Variants in PPP1R21 observed in about 807,000 individuals in gnomAD.
PPP1R21 encodes KLRAQ motif containing 1.
PPP1R21 carries 85 observed loss-of-function variants against 112.8 expected under a neutral mutation model. That is an observed-to-expected ratio of 0.75 (90% CI 0.63 to 0.90). The LOEUF (loss-of-function observed/expected upper bound fraction) is 0.90. PPP1R21 is among the 40% of genes least tolerant of loss of function. The pLI is 0.00. For synonymous variants in PPP1R21, 381 were observed against 322.3 expected (o/e 1.18, Z -1.95); for missense variants, 1,199 against 901.5 (o/e 1.33, Z -4.23).
chr2:48,503,714 G>A (rs574385123), intron 17 of PPP1R21, among the ~76,000 whole-genome samples: 16 of 152,154 alleles, frequency 1.1e-4, no homozygotes, highest in Admixed American at 8.5e-4. Flanking sequence ...TTGGGAGGCC[G>A]AGGCGGGTGG....
intron 9 of PPP1R21, among the ~76,000 whole-genome samples, chr2:48,469,504 T>G (rs796152067): frequency 0.33 from 13,514 of 40,620 alleles, 2,886 homozygotes; most frequent in East Asian, 0.5. Context: ...TATATATATA[T>G]AGAGCATATA....
At chr2:48,470,743 A>C (rs1273432004) in intron 9 of PPP1R21, among the ~76,000 whole-genome samples, 1 of 152,090 alleles carries the variant, frequency 6.6e-6, no homozygotes, top group East Asian at 1.9e-4. Flanking sequence ...GCAGGTGTTC[A>C]GGGAGGCTGA....
At position 48,498,650 on chromosome 2, in the gene PPP1R21, A is replaced by G. The variant is rs550983644; in HGVS notation, c.1850A>G (p.Gln617Arg). 6.2e-7 allele frequency: 1 copy of G among 1,614,260 alleles called. No individual in the cohort carries two copies. The highest frequency in any genetic ancestry group is 1.1e-5 in the South Asian group (1 of 91,092). ...AGTGCCCAGCTGGTTGGGCTGGCCCAGGAAAATGCTGCTGTGTCAAATACT... is the reference window on the plus strand; with the variant it reads ...AGTGCCCAGCTGGTTGGGCTGGCCCGGGAAAATGCTGCTGTGTCAAATACT... ...TGSAQLVGLA[Q>R]ENAAVSNTAG... The change falls in exon 17 of 22, where the codon CAG (glutamine) becomes CGG (arginine). Residue 617 changes from glutamine (Q) to arginine (R), a missense_variant. Transcript: ENST00000294952.
chr2:48,449,216 TCTA>T lies in PPP1R21; in HGVS notation c.58-1791_58-1789del, dbSNP rs373667239. The stretch of plus-strand genomic sequence containing the variant: ...ATATCTGTTGTCATTTTGAATCTGT[TCTA>T]ATAATAAGAGCTCTGTTTCCATTTG... On this transcript the variant is annotated intron_variant, in intron 1 of 21. Coordinates refer to ENST00000294952, the MANE Select transcript of PPP1R21 (RefSeq NM_001135629.3). Among the ~76,000 whole-genome samples the T allele has an allele frequency of 3.0e-4, 45 of 152,320 alleles. 2 individuals are homozygous for T. The South Asian group carries it at 9.3e-3, about 32-fold the overall frequency.
intron 17 of PPP1R21, chr2:48,501,777 C>G (rs1399754499): frequency 6.6e-6 from 1 of 151,786 alleles, no homozygotes; most frequent in Non-Finnish European, 1.5e-5. Flanking sequence ...CCACTGTACT[C>G]CAGCCTGGAC....
chr2:48,510,723 T>C (rs1433767532), intron 20 of PPP1R21, among the ~76,000 whole-genome samples: 1 of 152,162 alleles, frequency 6.6e-6, no homozygotes, highest in East Asian at 1.9e-4. Context: ...TCAGGGACGG[T>C]GCTGCCGGGA....
chr2:48,500,502 A>G (rs1670061452), intron 17 of PPP1R21, among the ~76,000 whole-genome samples: 1 of 152,212 alleles, frequency 6.6e-6, no homozygotes, highest in South Asian at 2.1e-4. Context: ...AAACCCAAGA[A>G]TTAAAATTTT....
chr2:48,500,698 C>G (rs936358699), intron 17 of PPP1R21, among the ~76,000 whole-genome samples: 2 of 152,062 alleles, frequency 1.3e-5, no homozygotes, highest in Non-Finnish European at 2.9e-5. Flanking sequence ...ATTGCCTGAG[C>G]TCAGGAGTTC....
intron 1 of PPP1R21, among the ~76,000 whole-genome samples, chr2:48,449,446 A>C (rs2103750522): frequency 6.6e-6 from 1 of 152,310 alleles, no homozygotes; most frequent in Admixed American, 6.5e-5. Flanking sequence ...TAAATGGCAG[A>C]GCAAATATTT....
rs764247187 is a variant in PPP1R21 at position 48,491,005 on chromosome 2, A to C, written c.1447-13A>C. 3.7e-6 allele frequency: 6 copies of C among 1,611,502 alleles called. No homozygotes were observed. In the South Asian group the frequency reaches 6.6e-5, roughly 18 times the overall value. On this transcript the variant is annotated splice_polypyrimidine_tract_variant and intron_variant, in intron 14 of 21. Coordinates refer to ENST00000294952, the MANE Select transcript of PPP1R21 (RefSeq NM_001135629.3). ...GGAAAACAAAATCTATTTCCTTGTC[A>C]TACTTTGTTTAGATTGCATCCTTCT...
intron 16 of PPP1R21, among the ~76,000 whole-genome samples, chr2:48,496,651 A>G (rs563507797): frequency 2.2e-4 from 34 of 152,138 alleles, no homozygotes; most frequent in Non-Finnish European, 3.4e-4. Context: ...TATTTTTAGT[A>G]TAGACAGGGT....
chr2:48,462,040 C>T (rs1283208210), intron 7 of PPP1R21, among the ~76,000 whole-genome samples: 3 of 152,192 alleles, frequency 2.0e-5, no homozygotes, highest in Non-Finnish European at 4.4e-5. Context: ...CTTCTAGCTT[C>T]TACATTAATG....
chr2:48,475,766 G>T (rs1305757654), intron 12 of PPP1R21, among the ~76,000 whole-genome samples: 1 of 152,040 alleles, frequency 6.6e-6, no homozygotes, highest in East Asian at 1.9e-4. Context: ...AGAATCGCGT[G>T]AGCCTGGGAG....
chr2:48,506,062 T>TTTTTTA (rs1670359202), intron 18 of PPP1R21, among the ~76,000 whole-genome samples: 2 of 152,242 alleles, frequency 1.3e-5, no homozygotes, highest in Non-Finnish European at 1.5e-5. Flanking sequence ...AGGTTTGCAC[T>TTTTTTA]TTTGAATTTT....
chr2:48,507,074 A>T (rs1670415735), intron 18 of PPP1R21, 195 bp from the exon 19 acceptor site: 2 of 677,472 alleles, frequency 3.0e-6, no homozygotes, highest in Non-Finnish European at 4.3e-6. Flanking sequence ...AAATAGAAAG[A>T]TGCTAAATAA....
intron 1 of PPP1R21, among the ~76,000 whole-genome samples, chr2:48,445,465 A>G (rs950693463): frequency 1.2e-4 from 18 of 152,226 alleles, no homozygotes; most frequent in African/African-American, 4.3e-4. Flanking sequence ...GTAAATGTCT[A>G]AATGACTCAC....
At chr2:48,449,049 C>T (rs1667369146) in intron 1 of PPP1R21, among the ~76,000 whole-genome samples, 1 of 150,494 alleles carries the variant, frequency 6.6e-6, no homozygotes, top group South Asian at 2.1e-4. Flanking sequence ...GCAGGAAATA[C>T]TAGTATTGCT....
chr2:48,474,363 CAGTG>C (rs1271758836), intron 11 of PPP1R21, among the ~76,000 whole-genome samples: 1 of 152,114 alleles, frequency 6.6e-6, no homozygotes, highest in Admixed American at 6.5e-5. Flanking sequence ...AATCTGGAGA[CAGTG>C]AGAGACTCCG....
chr2:48,467,436 C>T (rs1358419985), intron 9 of PPP1R21, among the ~76,000 whole-genome samples: 1 of 152,222 alleles, frequency 6.6e-6, no homozygotes, highest in South Asian at 2.1e-4. Context: ...TACTATCTCA[C>T]AGTTGCTGCG....
Sources: gnomAD v4.1 joint callset for allele counts (sites outside exome capture counted in the v4.1 genomes callset) on GRCh38, gnomAD v4.1.1 for gene constraint, MANE v1.5 for transcripts, NCBI Gene and HGNC (gene_info 2026-07-23, HGNC 2026-07-21) for gene names.